The following SPAG16 variants were observed in gnomAD, a reference collection of about 807,000 sequenced individuals.
SPAG16 encodes the protein sperm-associated antigen 16 protein.
A neutral mutation model predicts 80.4 loss-of-function variants in SPAG16; 86 were observed. That is an observed-to-expected ratio of 1.07 (90% CI 0.90 to 1.28). SPAG16 has a LOEUF of 1.28. Among genes scored for constraint, SPAG16 ranks in the 50% most tolerant of loss-of-function variants. SPAG16 has a pLI of 0.00. For synonymous variants in SPAG16, 294 were observed against 265.9 expected, an observed-to-expected ratio of 1.11 and a Z score of -1.03; for missense variants, 870 against 765.3, an observed-to-expected ratio of 1.14 and a Z score of -1.61.
chr2:213,611,112 A>G (rs2061427403), intron 10 of SPAG16, among the ~76,000 whole-genome samples: 1 of 152,150 alleles, frequency 6.6e-6, no homozygotes. Flanking sequence ...GATGATAGAT[A>G]CATTTCTGTA....
intron 13 of SPAG16, among the ~76,000 whole-genome samples, chr2:214,071,151 G>C (rs1333276627): frequency 6.6e-6 from 1 of 152,096 alleles, no homozygotes; most frequent in African/African-American, 2.4e-5. Flanking sequence ...TTTTGTGATA[G>C]ATAACTCACA....
intron 9 of SPAG16, among the ~76,000 whole-genome samples, chr2:213,426,754 GGTGTGTGTGT>G (rs148203065): frequency 2.3e-4 from 33 of 140,632 alleles, no homozygotes; most frequent in South Asian, 9.4e-4. Flanking sequence ...GCATAAATCT[GGTGTGTGTGT>G]GTGTGTGTGT....
rs143098372 is a variant in SPAG16 at position 213,922,371 on chromosome 2, A to G, written c.1215-7589A>G. ...TTCTTGTAGTATGTTTCTTATCTCT[A>G]TTAGATGAGTTTGGTTCCTTTTTTA... On this transcript the variant is annotated intron_variant, in intron 11 of 15. Transcript: ENST00000331683. Among the ~76,000 whole-genome samples the G allele has an allele frequency of 1.2e-3, 185 of 152,188 alleles. 2 individuals are homozygous for G. Among genetic ancestry groups the G allele is most frequent in the Non-Finnish European group, 2.0e-3 (139 of 67,998 alleles).
Position 214,003,414 on chromosome 2 carries a change from A to G in SPAG16, c.1401-10537A>G, listed in dbSNP as rs147489868. On this transcript the variant is annotated intron_variant, in intron 12 of 15. Transcript: ENST00000331683. Reference sequence around the variant, plus strand: ...CTCAGTTGATATTAATCTTATGTGAACAATCAGGAAGGTAGTATAATGGTT... The same window carrying G: ...CTCAGTTGATATTAATCTTATGTGAGCAATCAGGAAGGTAGTATAATGGTT... Among the ~76,000 whole-genome samples, 4 of 152,312 alleles carry G rather than the reference A, an allele frequency of 2.6e-5. 1 individual carries two copies. The highest frequency in any genetic ancestry group is 9.6e-5 in the African/African-American group (4 of 41,564).
chr2:214,217,887 G>A (rs573069719), intron 15 of SPAG16, among the ~76,000 whole-genome samples: 2 of 152,014 alleles, frequency 1.3e-5, no homozygotes, highest in Non-Finnish European at 2.9e-5. Context: ...TGGGGCAGTG[G>A]GTCTCAAACT....
chr2:214,406,845 A>G (rs774793605), intron 15 of SPAG16, among the ~76,000 whole-genome samples: 4 of 152,156 alleles, frequency 2.6e-5, no homozygotes, highest in Non-Finnish European at 2.9e-5. Context: ...TTGATTTACT[A>G]AACATGAAAA....
Position 214,325,014 on chromosome 2 carries a change from CATA to C in SPAG16, c.1721-85122_1721-85120del, listed in dbSNP as rs1045767335. The stretch of plus-strand genomic sequence containing the variant: ...TTAATACCAAAAATAGTAGAAAACC[CATA>C]ATATCAGAAAAAATATTTCTTTAAA... On this transcript the variant is annotated intron_variant, in intron 15 of 15. Coordinates refer to ENST00000331683, the MANE Select transcript of SPAG16 (RefSeq NM_024532.5). Among the ~76,000 whole-genome samples the C allele has an allele frequency of 1.2e-3, 179 of 152,210 alleles. 1 individual carries two copies. The highest frequency in any genetic ancestry group is 4.2e-3 in the African/African-American group (173 of 41,540).
At chr2:214,376,340 G>A (rs562565762) in intron 15 of SPAG16, among the ~76,000 whole-genome samples, 66 of 152,124 alleles carry the variant, frequency 4.3e-4, no homozygotes, top group African/African-American at 1.6e-3. Flanking sequence ...TAACAACTTA[G>A]TAACTTAGTA....
chr2:214,217,936 T>C (rs2058472957), intron 15 of SPAG16, among the ~76,000 whole-genome samples: 1 of 152,200 alleles, frequency 6.6e-6, no homozygotes, highest in Non-Finnish European at 1.5e-5. Flanking sequence ...AAAATGTTAC[T>C]GAGGACTCCA....
chr2:214,029,815 G>A (rs1397932349), intron 13 of SPAG16, among the ~76,000 whole-genome samples: 1 of 152,160 alleles, frequency 6.6e-6, no homozygotes, highest in African/African-American at 2.4e-5. Context: ...CTTAACAGCT[G>A]TATGGAGGTG....
intron 10 of SPAG16, among the ~76,000 whole-genome samples, chr2:213,563,679 A>T (rs1393517466): frequency 6.6e-6 from 1 of 152,236 alleles, no homozygotes; most frequent in African/African-American, 2.4e-5. Context: ...TCACATTGTC[A>T]GGTAGAGTTT....
At chr2:214,331,190 T>C (rs894570103) in intron 15 of SPAG16, among the ~76,000 whole-genome samples, 1 of 152,132 alleles carries the variant, frequency 6.6e-6, no homozygotes, top group Non-Finnish European at 1.5e-5. Flanking sequence ...ACTGTCAAAA[T>C]TGGGCAGAGG....
intron 15 of SPAG16, among the ~76,000 whole-genome samples, chr2:214,256,389 T>C (rs1690684650): frequency 6.6e-6 from 1 of 151,944 alleles, no homozygotes; most frequent in African/African-American, 2.4e-5. Flanking sequence ...TTTTTCTAGT[T>C]TGTGGCTTGC....
chr2:213,702,785 G>T (rs1417095404), intron 10 of SPAG16, among the ~76,000 whole-genome samples: 1 of 152,038 alleles, frequency 6.6e-6, no homozygotes, highest in Non-Finnish European at 1.5e-5. Flanking sequence ...TCTTTGAAAA[G>T]GCCTATTTCT....
At chr2:214,114,658 G>A (rs1020167222) in intron 14 of SPAG16, among the ~76,000 whole-genome samples, 9 of 152,166 alleles carry the variant, frequency 5.9e-5, no homozygotes, top group Admixed American at 6.5e-5. Context: ...TAAGACCTTC[G>A]GAAAAGCATA....
At chr2:213,713,649 A>G (rs1367388148) in intron 10 of SPAG16, among the ~76,000 whole-genome samples, 1 of 152,184 alleles carries the variant, frequency 6.6e-6, no homozygotes, top group African/African-American at 2.4e-5. Context: ...CACACAGAGG[A>G]CTCAAGAGAC....
intron 11 of SPAG16, among the ~76,000 whole-genome samples, chr2:213,865,777 TTGTC>T (rs199506185): frequency 0.042 from 6,253 of 147,848 alleles, 195 homozygotes; most frequent in Middle Eastern, 0.1. Context: ...AATTCAGAAT[TTGTC>T]TGTCCTCAAG....
chr2:214,283,238 A>C (rs182910908), intron 15 of SPAG16, among the ~76,000 whole-genome samples: 17 of 152,238 alleles, frequency 1.1e-4, no homozygotes, highest in Non-Finnish European at 5.9e-5. Context: ...TTGAATTATC[A>C]TCATAATAAC....
rs113301936 is a variant in SPAG16, at chr2:213,629,375, G to A, written c.1070+139285G>A. ...CTAGCCAACTAACTAGCAACATTTA[G>A]GGAATTAAAATGTGAATAATAGTGA... On this transcript the variant is annotated intron_variant, in intron 10 of 15. Coordinates refer to ENST00000331683, the MANE Select transcript of SPAG16 (RefSeq NM_024532.5). Among the ~76,000 whole-genome samples, 223 of 152,204 alleles carry A rather than the reference G, an allele frequency of 1.5e-3. 1 individual carries two copies. The highest frequency in any genetic ancestry group is 4.3e-3 in the African/African-American group (179 of 41,530).
Sources: allele counts gnomAD v4.1 joint callset (sites outside exome capture counted in the v4.1 genomes callset), GRCh38; gene constraint gnomAD v4.1.1; transcripts MANE v1.5; gene names NCBI Gene and HGNC (gene_info 2026-07-23, HGNC 2026-07-21).